Variants in FETUB observed in about 807,000 individuals in gnomAD.
FETUB encodes the protein fetuin B.
In FETUB, 28 loss-of-function variants were observed where a neutral mutation model predicts 30.9. The ratio of observed to expected loss-of-function variants is 0.90; its 90% confidence interval spans 0.67 to 1.24. The LOEUF is 1.24. FETUB is among the 50% of genes most tolerant of loss of function. The pLI, the probability that FETUB is intolerant of heterozygous loss-of-function variation, is 0.00. For synonymous variants in FETUB, 186 were observed against 175.9 expected, an observed-to-expected ratio of 1.06 and a Z score of -0.45; for missense variants, 469 against 455.3, an observed-to-expected ratio of 1.03 and a Z score of -0.27.
rs1295795272 is a variant in FETUB, at chr3:186,652,249, T to C, written c.781-14T>C. ...CCCTGTGGAACTCTACATTCAAAAA[T>C]GTTCTCATTCCAGGCTCCAGCCACT... On this transcript the variant is annotated splice_polypyrimidine_tract_variant and intron_variant, in intron 6 of 6. Coordinates refer to ENST00000265029, the MANE Select transcript of FETUB (RefSeq NM_014375.3). 5 of 1,533,126 alleles carry C rather than the reference T, an allele frequency of 3.3e-6. No homozygotes were observed. The highest frequency in any genetic ancestry group is 2.3e-5 in the East Asian group (1 of 44,352). 95.0% of individuals were successfully genotyped at this position (1,533,126 alleles called of 1,614,324 possible).
Position 186,652,347 on chromosome 3 carries a change from A to AC in FETUB, c.872dup (p.Thr292AsnfsTer18), listed in dbSNP as rs766762113. 6.9e-5 allele frequency: 110 copies of AC among 1,600,774 alleles called. No homozygotes were observed. Among genetic ancestry groups the AC allele is most frequent in the East Asian group, 2.5e-4 (11 of 44,708 alleles). Reference sequence around the variant, plus strand: ...GGTGGAAGAATCCCAGCAGAAAAACACCCCCCCAACAGACTCCCCCTCCAA... The same window carrying AC: ...GGTGGAAGAATCCCAGCAGAAAAACACCCCCCCCAACAGACTCCCCCTCCAA... On this transcript the variant is annotated frameshift_variant, in exon 7 of 7. Coordinates refer to ENST00000265029, the MANE Select transcript of FETUB (RefSeq NM_014375.3). LOFTEE classifies it low-confidence loss of function (END_TRUNC).
At position 186,648,826 on chromosome 3, in the gene FETUB, TTGA is replaced by T. The variant is rs1288231322; in HGVS notation, c.697-2390_697-2388del. Among the ~76,000 whole-genome samples the T allele has an allele frequency of 2.0e-5, 3 of 152,200 alleles. No homozygotes were observed. In the East Asian group the frequency reaches 5.8e-4, roughly 29 times the overall value. On this transcript the variant is annotated intron_variant, in intron 5 of 6. Coordinates refer to ENST00000265029, the MANE Select transcript of FETUB (RefSeq NM_014375.3). ...TCATTGAAAGTGTGTAGAAAGACGA[TTGA>T]TTTTTTATATTGATCTTATATATTA...
chr3:186,637,282 AAGAG>A (rs1716803555), upstream of FETUB, among the ~76,000 whole-genome samples: 1 of 152,102 alleles, frequency 6.6e-6, no homozygotes, highest in African/African-American at 2.4e-5. Flanking sequence ...GAGGAAAGGG[AAGAG>A]AGAGAGAAAC....
chr3:186,652,408 A>T lies in FETUB; in HGVS notation c.926A>T (p.Asp309Val). The T allele has an allele frequency of 6.2e-7, 1 of 1,613,098 alleles. No individual in the cohort carries two copies. The highest frequency in any genetic ancestry group is 8.5e-7 in the Non-Finnish European group (1 of 1,179,572). The change falls in exon 7 of 7, where the codon GAC becomes GTC. Residue 309 changes from aspartate to valine, a missense_variant. Transcript: ENST00000265029. ...GPRGSVQYLP[D>V]LDDKNSQEKG... ...AGAGGATCTGTCCAATATCTTCCTG[A>T]CTTGGATGATAAAAATTCCCAGGAA...
chr3:186,646,085 G>A (rs963742216), intron 4 of FETUB, among the ~76,000 whole-genome samples, 163 bp from the exon 5 acceptor site: 1 of 152,200 alleles, frequency 6.6e-6, no homozygotes, highest in South Asian at 2.1e-4. Flanking sequence ...CTAAATCATG[G>A]TACATGGTTT....
Position 186,651,216 on chromosome 3 carries a change from A to G in FETUB, c.697-2A>G. 6.2e-7 allele frequency: 1 copy of G among 1,604,782 alleles called. No homozygotes were observed. The highest frequency in any genetic ancestry group is 8.5e-7 in the Non-Finnish European group (1 of 1,171,560). ...CACATGACATTGTATTTTCTCTTTTAGCCTGTTGGTCTTTGCAAAGGTTCT... is the reference window on the plus strand; with the variant it reads ...CACATGACATTGTATTTTCTCTTTTGGCCTGTTGGTCTTTGCAAAGGTTCT... On this transcript the variant is annotated splice_acceptor_variant, in intron 5 of 6. Coordinates refer to ENST00000265029, the MANE Select transcript of FETUB (RefSeq NM_014375.3). LOFTEE classifies it high-confidence loss of function.
intron 6 of FETUB, 80 bp from the exon 7 acceptor site, chr3:186,652,183 C>A: frequency 6.9e-7 from 1 of 1,454,836 alleles, no homozygotes; most frequent in Non-Finnish European, 9.2e-7. Context: ...AACAGAAAGG[C>A]ACAGATCAGC....
At chr3:186,651,324 G>A in intron 6 of FETUB, 23 bp downstream of exon 6, 1 of 1,482,180 alleles carries the variant, frequency 6.7e-7, no homozygotes, top group Non-Finnish European at 9.4e-7. Flanking sequence ...CTAATTGCCT[G>A]TCTTTCTGTG....
intron 3 of FETUB, 58 bp downstream of exon 3, chr3:186,642,616 C>G: frequency 2.9e-6 from 3 of 1,021,096 alleles, no homozygotes; most frequent in East Asian, 2.4e-5. Flanking sequence ...AGTACTTAAC[C>G]AGGTCTTTGC....
In FETUB at chr3:186,646,234, T is replaced by A; in HGVS notation, c.595-14T>A. The stretch of plus-strand genomic sequence containing the variant: ...ATGTTTGATTTTTATGTCTCAACTC[T>A]TGTCTCATAACAGTGGGTGGTCGGC... On this transcript the variant is annotated splice_polypyrimidine_tract_variant and intron_variant, in intron 4 of 6. Coordinates refer to ENST00000265029, the MANE Select transcript of FETUB (RefSeq NM_014375.3). 1 of 1,589,358 alleles carries A rather than the reference T, an allele frequency of 6.3e-7. No homozygotes were observed. Among genetic ancestry groups the A allele is most frequent in the Non-Finnish European group, 8.6e-7 (1 of 1,158,200 alleles).
chr3:186,652,683 G>A lies in FETUB; in HGVS notation c.*52G>A, dbSNP rs766922684. On this transcript the variant is annotated 3_prime_UTR_variant, in exon 7 of 7. Transcript: ENST00000265029. ...TATGGTGCGCCGCATGACATGGGAG[G>A]CGATGGGGACGATGGACAGAGACAG... 6.5e-7 allele frequency: 1 copy of A among 1,535,360 alleles called. No homozygotes were observed. Among genetic ancestry groups the A allele is most frequent in the Non-Finnish European group, 8.7e-7 (1 of 1,147,256 alleles).
At position 186,646,424 on chromosome 3, in the gene FETUB, A is replaced by G. The variant is rs1461035208; in HGVS notation, c.696+75A>G. The stretch of plus-strand genomic sequence containing the variant: ...TAAGTGTTTGTGGAGCATAAATTAC[A>G]TATGAGGTGTCATAAGGCATGAGAT... On this transcript the variant is annotated intron_variant, in intron 5 of 6. Coordinates refer to ENST00000265029, the MANE Select transcript of FETUB (RefSeq NM_014375.3). The G allele has an allele frequency of 1.5e-5, 17 of 1,106,808 alleles. No individual in the cohort carries two copies. In the East Asian group the frequency reaches 1.7e-4, roughly 11 times the overall value. The allele number at this position is 1,106,808 out of a possible 1,614,324, so 68.6% of individuals were successfully genotyped here.
intron 2 of FETUB, chr3:186,641,451 G>T: frequency 4.3e-6 from 1 of 231,094 alleles, no homozygotes; most frequent in Non-Finnish European, 8.5e-6. Flanking sequence ...AAAGACCTGA[G>T]GTGTGAATAT....
chr3:186,643,743 T>C (rs534646467), intron 3 of FETUB, among the ~76,000 whole-genome samples: 1 of 152,248 alleles, frequency 6.6e-6, no homozygotes, highest in East Asian at 1.9e-4. Flanking sequence ...TCCCCCATTA[T>C]CTCCACCAGT....
At chr3:186,642,705 C>T (rs2108520024) in intron 3 of FETUB, 147 bp downstream of exon 3, 1 of 645,894 alleles carries the variant, frequency 1.5e-6, no homozygotes, top group South Asian at 1.8e-5. Flanking sequence ...CAGTACTTAC[C>T]TCCTTACTGA....
intron 1 of FETUB, 72 bp from the exon 2 acceptor site, chr3:186,640,958 G>T (rs1249215252): frequency 3.3e-5 from 32 of 983,988 alleles, no homozygotes; most frequent in Middle Eastern, 4.2e-4. Flanking sequence ...TAAAGCAGGG[G>T]TTTTTTTGTG....
Position 186,652,740 on chromosome 3 carries a change from C to A in FETUB, c.*109C>A, listed in dbSNP as rs557347356. 4.5e-5 allele frequency: 60 copies of A among 1,339,068 alleles called. No individual in the cohort carries two copies. The highest frequency in any genetic ancestry group is 5.6e-5 in the Non-Finnish European group (56 of 1,001,834). 82.9% of individuals were successfully genotyped at this position (1,339,068 alleles called of 1,614,324 possible). ...CACACGTAGAGTGGCTAGTGAAGGA[C>A]GCCTTTTTGACTCTTCTTGGTCTCA... On this transcript the variant is annotated 3_prime_UTR_variant, in exon 7 of 7. Coordinates refer to ENST00000265029, the MANE Select transcript of FETUB (RefSeq NM_014375.3).
At chr3:186,636,300 C>G (rs144126624), upstream of FETUB, 63 of 152,344 alleles carry the variant, frequency 4.1e-4, no homozygotes, top group African/African-American at 1.4e-3. Context: ...TGGTGAGGTA[C>G]TAAGGGCAAA....
chr3:186,645,147 A>T (rs1411806463), intron 4 of FETUB, among the ~76,000 whole-genome samples: 1 of 152,128 alleles, frequency 6.6e-6, no homozygotes, highest in Non-Finnish European at 1.5e-5. Flanking sequence ...TTGCTTCCCT[A>T]ACCTTAAGGC....
Sources: gnomAD v4.1 joint callset for allele counts (sites outside exome capture counted in the v4.1 genomes callset) on GRCh38, gnomAD v4.1.1 for gene constraint, MANE v1.5 for transcripts, NCBI Gene and HGNC (gene_info 2026-07-23, HGNC 2026-07-21) for gene names.